The following KIAA0586 variants were observed in gnomAD, a reference collection of about 807,000 sequenced individuals.
KIAA0586 encodes the protein KIAA0586.
A neutral mutation model predicts 169.8 loss-of-function variants in KIAA0586; 144 were observed. The ratio of observed to expected loss-of-function variants is 0.85; its 90% CI spans 0.74 to 0.97. The LOEUF (loss-of-function observed/expected upper bound fraction) is 0.97. Among genes scored for constraint, KIAA0586 ranks in the 50% least tolerant of loss-of-function variants. The pLI is 0.00. For missense variants in KIAA0586, 1,854 were observed against 1,823.0 expected (o/e 1.02, Z -0.31); for synonymous variants, 625 against 612.4 (o/e 1.02, Z -0.30).
chr14:58,497,600 C>T lies in KIAA0586; in HGVS notation c.3991-1183C>T, dbSNP rs183428318. Reference sequence around the variant, plus strand: ...GGCTGGTCTCAAACTCCTGACCTTGCGATCTGCCCGCCTTGACCTCCCAAA... The same window carrying T: ...GGCTGGTCTCAAACTCCTGACCTTGTGATCTGCCCGCCTTGACCTCCCAAA... On this transcript the variant is annotated intron_variant, in intron 26 of 30. Transcript: ENST00000652326. 2.5e-4 allele frequency among the ~76,000 whole-genome samples: 38 copies of T among 151,248 alleles called. 1 individual carries two copies. Among genetic ancestry groups the T allele is most frequent in the African/African-American group, 8.7e-4 (36 of 41,186 alleles).
chr14:58,459,478 A>G (rs1215318443), intron 12 of KIAA0586, among the ~76,000 whole-genome samples: 1 of 152,140 alleles, frequency 6.6e-6, no homozygotes, highest in African/African-American at 2.4e-5. Context: ...GTTTTGTTAC[A>G]AAAGTGTTTG....
chr14:58,552,143 A>T (rs1240601828), downstream of KIAA0586, among the ~76,000 whole-genome samples: 1 of 152,234 alleles, frequency 6.6e-6, no homozygotes, highest in Non-Finnish European at 1.5e-5. Flanking sequence ...ATCATTAAAC[A>T]TCAGTTGCAC....
At position 58,508,699 on chromosome 14, in the gene KIAA0586, A is replaced by G; in HGVS notation, c.4313A>G (p.Asp1438Gly). 2 of 1,585,050 alleles carry G rather than the reference A, an allele frequency of 1.3e-6. No homozygotes were observed. Among genetic ancestry groups the G allele is most frequent in the Non-Finnish European group, 1.7e-6 (2 of 1,164,556 alleles). The change falls in exon 28 of 31, where the codon GAT becomes GGT. Residue 1438 changes from aspartate (D) to glycine (G), a missense_variant. Coordinates refer to ENST00000652326, the MANE Select transcript of KIAA0586 (RefSeq NM_001329943.3). The stretch of plus-strand genomic sequence containing the variant: ...GTTAATTTACCAGTAGCCGCTGAAG[A>G]TTTTTCCCAGGTACCAAATTAATAG... ...NDVNLPVAAE[D>G]FSQYQLKQNQ... is the part of the protein sequence containing the mutation.
chr14:58,490,214 A>G lies in KIAA0586; in HGVS notation c.3832A>G (p.Ser1278Gly). Residue 1278 changes from serine (S) to glycine (G), a missense_variant, in exon 25 of 31, where the codon AGC (serine) becomes GGC (glycine). Transcript: ENST00000652326. Reference sequence around the variant, plus strand: ...GACAAACCTTAATGATAGCTTATCCAGCACTCTGCATGATGCCGTTGAAAT... The same window carrying G: ...GACAAACCTTAATGATAGCTTATCCGGCACTCTGCATGATGCCGTTGAAAT... The part of the protein sequence containing the change: ...YLTNLNDSLS[S>G]TLHDAVEMED... The G allele has an allele frequency of 1.3e-6, 2 of 1,544,494 alleles. No individual in the cohort carries two copies. The highest frequency in any genetic ancestry group is 1.4e-5 in the African/African-American group (1 of 72,846).
intron 29 of KIAA0586, chr14:58,521,555 A>G: frequency 1.2e-6 from 1 of 856,946 alleles, no homozygotes; most frequent in Non-Finnish European, 2.0e-6. Context: ...TCGAAATGTC[A>G]GCATGTATCA....
chr14:58,532,871 T>C (rs926552361), intron 29 of KIAA0586, among the ~76,000 whole-genome samples: 1 of 152,194 alleles, frequency 6.6e-6, no homozygotes, highest in African/African-American at 2.4e-5. Flanking sequence ...TAAAACAAAT[T>C]ACTCGTTATG....
chr14:58,502,387 G>A (rs548803216), intron 27 of KIAA0586, among the ~76,000 whole-genome samples: 17 of 152,178 alleles, frequency 1.1e-4, no homozygotes, highest in Non-Finnish European at 2.2e-4. Flanking sequence ...TGATCCACCC[G>A]CCACAGCCTC....
intron 29 of KIAA0586, among the ~76,000 whole-genome samples, chr14:58,538,198 T>C (rs2046419531): frequency 6.6e-6 from 1 of 152,216 alleles, no homozygotes; most frequent in Non-Finnish European, 1.5e-5. Flanking sequence ...AGTTGTATGT[T>C]CAATTTTGGT....
chr14:58,452,527 T>C lies in KIAA0586; in HGVS notation c.1130-823T>C, dbSNP rs189392445. ...ACTACATACAAACAAGGCTAAAGGATAGATCCACTTATTGGTACTTTGAAG... is the reference window on the plus strand; with the variant it reads ...ACTACATACAAACAAGGCTAAAGGACAGATCCACTTATTGGTACTTTGAAG... On this transcript the variant is annotated intron_variant, in intron 8 of 30. Transcript: ENST00000652326. 1.2e-3 allele frequency among the ~76,000 whole-genome samples: 184 copies of C among 152,340 alleles called. 1 individual carries two copies. The highest frequency in any genetic ancestry group is 4.3e-3 in the African/African-American group (178 of 41,580).
At chr14:58,455,684 G>A (rs552606449) in intron 9 of KIAA0586, among the ~76,000 whole-genome samples, 1 of 152,138 alleles carries the variant, frequency 6.6e-6, no homozygotes, top group East Asian at 1.9e-4. Flanking sequence ...GTGTGTGTGT[G>A]TGTGTGTGTA....
At chr14:58,480,637 C>T (rs1027797270) in intron 20 of KIAA0586, among the ~76,000 whole-genome samples, 3 of 152,172 alleles carry the variant, frequency 2.0e-5, no homozygotes, top group Non-Finnish European at 1.5e-5. Context: ...TCTCCCAGCA[C>T]CCAATCTCTA....
chr14:58,443,922 G>A (rs1056008959), intron 5 of KIAA0586, 32 bp from the exon 6 acceptor site: 3 of 1,340,204 alleles, frequency 2.2e-6, no homozygotes, highest in Non-Finnish European at 3.1e-6. Flanking sequence ...ATCCTATAAT[G>A]TGAATTTTTA....
At chr14:58,459,087 TTGAG>T (rs1452180620) in intron 12 of KIAA0586, among the ~76,000 whole-genome samples, 2 of 152,140 alleles carry the variant, frequency 1.3e-5, no homozygotes, top group Admixed American at 6.5e-5. Context: ...TTTTATATAT[TTGAG>T]TGAGCGGAAC....
chr14:58,532,660 C>T (rs1258351510), intron 29 of KIAA0586, among the ~76,000 whole-genome samples: 2 of 151,846 alleles, frequency 1.3e-5, no homozygotes, highest in Non-Finnish European at 2.9e-5. Flanking sequence ...TGTAATACAC[C>T]TCATTATTTT....
At chr14:58,474,500 TA>T in intron 18 of KIAA0586, 106 bp from the exon 19 acceptor site, 1 of 666,872 alleles carries the variant, frequency 1.5e-6, no homozygotes. Flanking sequence ...TGCTGTTGGT[TA>T]ATTTAGAAGG....
At chr14:58,458,870 T>C (rs2040090043) in intron 12 of KIAA0586, among the ~76,000 whole-genome samples, 1 of 152,166 alleles carries the variant, frequency 6.6e-6, no homozygotes, top group Admixed American at 6.6e-5. Flanking sequence ...TTTAGGAGCA[T>C]TGACCCGCCA....
At chr14:58,485,372 G>A (rs1372803746) in intron 21 of KIAA0586, among the ~76,000 whole-genome samples, 1 of 152,106 alleles carries the variant, frequency 6.6e-6, no homozygotes, top group East Asian at 1.9e-4. Context: ...TTACTGATCA[G>A]ATCGGCAAAA....
intron 23 of KIAA0586, among the ~76,000 whole-genome samples, chr14:58,488,395 A>G (rs539930283): frequency 6.6e-6 from 1 of 152,346 alleles, no homozygotes; most frequent in Non-Finnish European, 1.5e-5. Flanking sequence ...TACTATGATC[A>G]GTTAACTTTT....
chr14:58,540,989 C>T (rs1212318958), intron 30 of KIAA0586, among the ~76,000 whole-genome samples: 1 of 152,116 alleles, frequency 6.6e-6, no homozygotes, highest in Non-Finnish European at 1.5e-5. Context: ...GGAATTGGAG[C>T]AAGAGTGGAT....
Sources: allele counts gnomAD v4.1 joint callset (sites outside exome capture counted in the v4.1 genomes callset), GRCh38; gene constraint gnomAD v4.1.1; transcripts MANE v1.5; gene names NCBI Gene and HGNC (gene_info 2026-07-23, HGNC 2026-07-21).